The following ST3GAL3 variants were observed in gnomAD, a reference collection of about 807,000 sequenced individuals.
ST3GAL3 encodes the protein ST3 beta-galactoside alpha-2,3-sialyltransferase 3.
A neutral mutation model predicts 50.1 loss-of-function variants in ST3GAL3; 21 were observed. That is an observed-to-expected ratio of 0.42 (90% CI 0.30 to 0.60). The LOEUF is 0.60. Ranked by LOEUF, ST3GAL3 falls within the 20% of genes least tolerant of loss-of-function variation. The pLI, the probability that ST3GAL3 is intolerant of heterozygous loss-of-function variation, is 0.19. For missense variants in ST3GAL3, 353 were observed against 489.4 expected, an observed-to-expected ratio of 0.72 and a Z score of 2.63; for synonymous variants, 183 against 190.0, an observed-to-expected ratio of 0.96 and a Z score of 0.30.
chr1:43,892,662 A>G (rs867165956), intron 5 of ST3GAL3, among the ~76,000 whole-genome samples: 11 of 151,226 alleles, frequency 7.3e-5, no homozygotes, highest in African/African-American at 2.2e-4. Flanking sequence ...AGGAAAAGGG[A>G]AAAAAAAATG....
chr1:43,784,230 C>G (rs1195371233), intron 2 of ST3GAL3, among the ~76,000 whole-genome samples: 2 of 152,110 alleles, frequency 1.3e-5, no homozygotes, highest in African/African-American at 4.8e-5. Context: ...AACGACAGGC[C>G]AGGCGTGGTG....
At chr1:43,829,710 G>A (rs1354897500) in intron 4 of ST3GAL3, among the ~76,000 whole-genome samples, 1 of 151,942 alleles carries the variant, frequency 6.6e-6, no homozygotes, top group Non-Finnish European at 1.5e-5. Context: ...CTCTTTTCTT[G>A]ACAGTACCTC....
chr1:43,771,762 GTGTGTGTGTA>G (rs1285471196), intron 2 of ST3GAL3: 4 of 394,022 alleles, frequency 1.0e-5, no homozygotes, highest in African/African-American at 6.2e-5. Context: ...GTGTGTGTGT[GTGTGTGTGTA>G]TAGTATCTGC....
chr1:43,823,492 A>G (rs1190101356), intron 4 of ST3GAL3, among the ~76,000 whole-genome samples: 1 of 152,158 alleles, frequency 6.6e-6, no homozygotes, highest in African/African-American at 2.4e-5. Flanking sequence ...GCCTTTTTAG[A>G]ACATAGTTCA....
At chr1:43,770,332 A>C (rs922906706) in intron 2 of ST3GAL3, among the ~76,000 whole-genome samples, 1 of 151,998 alleles carries the variant, frequency 6.6e-6, no homozygotes, top group Non-Finnish European at 1.5e-5. Context: ...ACGGGCCTCA[A>C]GTTTTTAGCT....
intron 5 of ST3GAL3, among the ~76,000 whole-genome samples, chr1:43,866,487 G>A (rs970698111): frequency 6.6e-6 from 1 of 152,110 alleles, no homozygotes; most frequent in East Asian, 1.9e-4. Context: ...GAGAGGCTGA[G>A]GTGGGAGGAT....
At position 43,873,255 on chromosome 1, in the gene ST3GAL3, A is replaced by G. The variant is rs112990508; in HGVS notation, c.303-21128A>G. On this transcript the variant is annotated intron_variant, in intron 5 of 11. Coordinates refer to ENST00000347631, the MANE Select transcript of ST3GAL3 (RefSeq NM_006279.5). The stretch of plus-strand genomic sequence containing the variant: ...GGTAAGAAAGCGTCAAGTTCAGGGT[A>G]TATTCTGAAGGGAGAGCTAACAGGT... Among the ~76,000 whole-genome samples the G allele has an allele frequency of 1.1e-4, 17 of 152,296 alleles. 2 individuals carry two copies. The highest frequency in any genetic ancestry group is 2.9e-4 in the African/African-American group (12 of 41,574).
At chr1:43,711,467 T>G (rs1438474783) in intron 1 of ST3GAL3, among the ~76,000 whole-genome samples, 1 of 152,244 alleles carries the variant, frequency 6.6e-6, no homozygotes, top group East Asian at 1.9e-4. Flanking sequence ...AGCATATGTC[T>G]GGGAAGCAAA....
At chr1:43,859,634 A>G (rs914547978) in intron 5 of ST3GAL3, among the ~76,000 whole-genome samples, 2 of 152,214 alleles carry the variant, frequency 1.3e-5, no homozygotes, top group African/African-American at 4.8e-5. Context: ...GCCCCTTCAG[A>G]TAGTGTGTCT....
chr1:43,783,143 G>A (rs1699898381), intron 2 of ST3GAL3, among the ~76,000 whole-genome samples: 1 of 152,150 alleles, frequency 6.6e-6, no homozygotes, highest in Non-Finnish European at 1.5e-5. Context: ...GTTGCCCAAA[G>A]TTACATAGTG....
intron 3 of ST3GAL3, among the ~76,000 whole-genome samples, chr1:43,808,822 G>T (rs2060207348): frequency 6.6e-6 from 1 of 152,202 alleles, no homozygotes; most frequent in Non-Finnish European, 1.5e-5. Flanking sequence ...AGAACCACTG[G>T]AAGGGGGCAG....
chr1:43,867,151 T>C (rs2071531363), intron 5 of ST3GAL3, among the ~76,000 whole-genome samples: 1 of 152,020 alleles, frequency 6.6e-6, no homozygotes, highest in African/African-American at 2.4e-5. Context: ...AGCCATCAGA[T>C]CTCGTGAGAC....
chr1:43,920,216 T>C, intron 9 of ST3GAL3, 188 bp from the exon 10 acceptor site: 3 of 670,456 alleles, frequency 4.5e-6, no homozygotes, highest in Non-Finnish European at 7.9e-6. Flanking sequence ...TTCACCATCA[T>C]TCCCCTTGTC....
intron 9 of ST3GAL3, among the ~76,000 whole-genome samples, chr1:43,911,457 A>G (rs1379713088): frequency 2.0e-5 from 3 of 150,884 alleles, no homozygotes; most frequent in African/African-American, 4.9e-5. Context: ...CCAAATTCAA[A>G]CCTGTCCTTC....
intron 9 of ST3GAL3, chr1:43,912,489 G>A (rs953673082): frequency 2.0e-5 from 3 of 152,168 alleles, no homozygotes; most frequent in African/African-American, 7.2e-5. Context: ...GCCTGAGAAT[G>A]TCGAGATCAG....
intron 3 of ST3GAL3, among the ~76,000 whole-genome samples, chr1:43,806,851 G>A (rs1318931715): frequency 4.6e-5 from 7 of 152,018 alleles, no homozygotes; most frequent in East Asian, 1.9e-4. Flanking sequence ...CACCATGCTC[G>A]GGTAATGTTT....
intron 4 of ST3GAL3, among the ~76,000 whole-genome samples, chr1:43,817,339 CCTTCTTCCTTCTTCTT>C (rs946779129): frequency 1.3e-5 from 2 of 151,664 alleles, no homozygotes; most frequent in South Asian, 2.1e-4. Context: ...CTTCCTTCTT[CCTTCTTCCTTCTTCTT>C]CTTCTTCCTT....
intron 5 of ST3GAL3, chr1:43,850,414 G>C: frequency 1.7e-6 from 1 of 576,222 alleles, no homozygotes; most frequent in South Asian, 1.4e-5. Flanking sequence ...AACTCTTTCA[G>C]GGTGGCTCTG....
chr1:43,841,862 CT>C (rs1409488573), intron 5 of ST3GAL3: 2 of 152,214 alleles, frequency 1.3e-5, no homozygotes, highest in African/African-American at 4.8e-5. Context: ...CTCTGCTTCC[CT>C]TTTAAATATA....
Sources: allele counts gnomAD v4.1 joint callset (sites outside exome capture counted in the v4.1 genomes callset), GRCh38; gene constraint gnomAD v4.1.1; transcripts MANE v1.5; gene names NCBI Gene and HGNC (gene_info 2026-07-23, HGNC 2026-07-21).